CLIC5: variants seen among roughly 807,000 people sequenced by gnomAD.
The protein encoded by CLIC5 is chloride intracellular channel protein 5.
CLIC5 carries 20 observed loss-of-function variants against 24.7 expected under a neutral mutation model. The observed-to-expected ratio is 0.81, with a 90% CI of 0.57 to 1.18. CLIC5 has a LOEUF of 1.18. Among genes scored for constraint, CLIC5 ranks in the 50% most tolerant of loss-of-function variants. The pLI, the probability that CLIC5 is intolerant of heterozygous loss-of-function variation, is 0.00. For synonymous variants in CLIC5, 159 were observed against 135.6 expected (o/e 1.17, Z -1.20); for missense variants, 341 against 326.1 (o/e 1.05, Z -0.35).
the CLIC5 span, among the ~76,000 whole-genome samples, chr6:46,095,438 A>G: frequency 2.0e-5 from 3 of 152,316 alleles, no homozygotes; most frequent in East Asian, 1.9e-4. Context: ...GCTCATGTAT[A>G]TGAACATAAG....
chr6:46,035,164 C>G (rs1440833647), intron 1 of CLIC5, among the ~76,000 whole-genome samples: 1 of 152,158 alleles, frequency 6.6e-6, no homozygotes, highest in East Asian at 1.9e-4. Flanking sequence ...TGACATGTCT[C>G]AAGTTTCAAA....
chr6:46,071,514 A>G (rs1762596928), intron 1 of CLIC5, among the ~76,000 whole-genome samples: 1 of 152,192 alleles, frequency 6.6e-6, no homozygotes, highest in Non-Finnish European at 1.5e-5. Flanking sequence ...AGAGAAATAC[A>G]AATCAAAATC....
chr6:46,023,748 T>C (rs1008263887), intron 1 of CLIC5, among the ~76,000 whole-genome samples: 3 of 152,202 alleles, frequency 2.0e-5, no homozygotes, highest in Non-Finnish European at 4.4e-5. Flanking sequence ...TTTGGCAGGA[T>C]TTACTGCTCT....
chr6:45,955,424 G>A (rs1260740174), intron 1 of CLIC5, among the ~76,000 whole-genome samples, 180 bp from the exon 2 acceptor site: 1 of 152,210 alleles, frequency 6.6e-6, no homozygotes, highest in African/African-American at 2.4e-5. Context: ...GGCAATGCCT[G>A]GCAGCATGTA....
chr6:45,958,486 T>C (rs1381864595), intron 1 of CLIC5, among the ~76,000 whole-genome samples: 2 of 52,546 alleles, frequency 3.8e-5, no homozygotes, highest in Non-Finnish European at 3.8e-5. Context: ...AAACAGCTAA[T>C]GGCAAACTTC....
At chr6:46,068,118 C>T (rs1395714469) in intron 1 of CLIC5, among the ~76,000 whole-genome samples, 3 of 152,018 alleles carry the variant, frequency 2.0e-5, no homozygotes, top group African/African-American at 7.2e-5. Context: ...CAGAGACTGG[C>T]GTGATGCAAC....
chr6:46,047,424 C>T (rs1767983291), intron 1 of CLIC5, among the ~76,000 whole-genome samples: 1 of 152,080 alleles, frequency 6.6e-6, no homozygotes, highest in African/African-American at 2.4e-5. Flanking sequence ...CAGAAATATG[C>T]AGGATATGAA....
upstream of CLIC5, among the ~76,000 whole-genome samples, chr6:46,084,796 A>G (rs141080518): frequency 3.0e-3 from 452 of 152,192 alleles, 1 homozygote; most frequent in African/African-American, 9.8e-3. Context: ...CGTTCTCTGT[A>G]TTTCCTGAAT....
the CLIC5 span, among the ~76,000 whole-genome samples, chr6:46,109,239 CCTT>C: frequency 2.4e-3 from 368 of 152,058 alleles, 2 homozygotes; most frequent in African/African-American, 8.4e-3. Context: ...TCCCAAATTT[CCTT>C]CTTCTTCAAG....
chr6:45,977,747 T>C (rs1184424189), intron 1 of CLIC5, among the ~76,000 whole-genome samples: 1 of 152,214 alleles, frequency 6.6e-6, no homozygotes, highest in African/African-American at 2.4e-5. Flanking sequence ...GACAGCATTA[T>C]CTGTCTCTAC....
At chr6:45,999,476 T>C (rs1174877036) in intron 1 of CLIC5, among the ~76,000 whole-genome samples, 1 of 152,208 alleles carries the variant, frequency 6.6e-6, no homozygotes, top group African/African-American at 2.4e-5. Context: ...AAAATTTATA[T>C]GTGTATCCTG....
At chr6:45,936,264 A>G (rs146185542) in intron 4 of CLIC5, among the ~76,000 whole-genome samples, 3,083 of 135,006 alleles carry the variant, frequency 0.023, 119 homozygotes, top group African/African-American at 0.083. Context: ...GAGTGCAATG[A>G]CGTGATCTCG....
At chr6:46,108,270 T>C in the CLIC5 span, among the ~76,000 whole-genome samples, 1 of 152,018 alleles carries the variant, frequency 6.6e-6, no homozygotes, top group Non-Finnish European at 1.5e-5. Flanking sequence ...TTTTGTGTAA[T>C]ATTCATAAGA....
At chr6:46,111,303 C>T in the CLIC5 span, among the ~76,000 whole-genome samples, 1 of 152,028 alleles carries the variant, frequency 6.6e-6, no homozygotes, top group Admixed American at 6.6e-5. Context: ...ACTTAAACAC[C>T]TAATTCAAAC....
chr6:46,106,664 G>C, the CLIC5 span, among the ~76,000 whole-genome samples: 1 of 152,110 alleles, frequency 6.6e-6, no homozygotes, highest in East Asian at 1.9e-4. Context: ...ATTTCCTCTA[G>C]GCCCATCTGC....
At chr6:46,039,861 T>C (rs1253211536) in intron 1 of CLIC5, among the ~76,000 whole-genome samples, 2 of 152,166 alleles carry the variant, frequency 1.3e-5, no homozygotes, top group Non-Finnish European at 2.9e-5. Context: ...TCAGTCTCAA[T>C]AGCAACTAAA....
chr6:45,889,318 A>C (rs1044823627), intron 6 of CLIC5, among the ~76,000 whole-genome samples: 1 of 152,140 alleles, frequency 6.6e-6, no homozygotes, highest in African/African-American at 2.4e-5. Flanking sequence ...TAAGGGCATT[A>C]ATCCTATTCC....
chr6:46,045,502 T>C (rs745507366), intron 1 of CLIC5, among the ~76,000 whole-genome samples: 2 of 152,128 alleles, frequency 1.3e-5, no homozygotes, highest in African/African-American at 4.8e-5. Context: ...TGGCCCATTC[T>C]CCATGATGCT....
chr6:46,054,825 A>C (rs1768201638), intron 1 of CLIC5, among the ~76,000 whole-genome samples: 1 of 152,258 alleles, frequency 6.6e-6, no homozygotes, highest in African/African-American at 2.4e-5. Flanking sequence ...ATGCTGGCAC[A>C]TTGATGGTGA....
Sources: allele counts gnomAD v4.1 joint callset (sites outside exome capture counted in the v4.1 genomes callset), GRCh38; gene constraint gnomAD v4.1.1; transcripts MANE v1.5; gene names NCBI Gene and HGNC (gene_info 2026-07-23, HGNC 2026-07-21).